The following HSD17B14 variants were observed in gnomAD, a reference collection of about 807,000 sequenced individuals.
HSD17B14 encodes the protein hydroxysteroid 17-beta dehydrogenase 14.
HSD17B14 carries 32 observed loss-of-function variants against 32.2 expected under a neutral mutation model. The observed-to-expected ratio is 0.99, with a 90% confidence interval of 0.75 to 1.33. The LOEUF (loss-of-function observed/expected upper bound fraction) is 1.33, where lower values mean the gene tolerates loss of function less well. Among genes scored for constraint, HSD17B14 ranks in the 40% most tolerant of loss-of-function variants. HSD17B14 has a pLI of 0.00. For missense variants in HSD17B14, 370 were observed against 366.5 expected, an observed-to-expected ratio of 1.01 and a Z score of -0.08; for synonymous variants, 140 against 155.4, an observed-to-expected ratio of 0.90 and a Z score of 0.74.
rs568787718 is a variant in HSD17B14, at chr19:48,820,981, C to T, written c.370-5840G>A. The stretch of plus-strand genomic sequence containing the variant: ...CCTCCCAAAATGCTAGGATTACAGG[C>T]GTGAGCCACCCCACCCAGCCAGGAT... On this transcript the variant is annotated intron_variant, in intron 5 of 8. Coordinates refer to ENST00000263278, the MANE Select transcript of HSD17B14 (RefSeq NM_016246.3). 4.6e-5 allele frequency among the ~76,000 whole-genome samples: 7 copies of T among 151,194 alleles called. 1 individual carries two copies. Among genetic ancestry groups the T allele is most frequent in the South Asian group, 2.1e-4 (1 of 4,786 alleles).
intron 1 of HSD17B14, 84 bp downstream of exon 1, chr19:48,836,240 A>C: frequency 2.3e-6 from 3 of 1,298,038 alleles, no homozygotes; most frequent in Non-Finnish European, 3.3e-6. Context: ...GCAGTACTGG[A>C]GTCCCTATTT....
chr19:48,836,354 C>T lies in HSD17B14; in HGVS notation c.58G>A (p.Gly20Ser), dbSNP rs2035515535. The T allele has an allele frequency of 6.2e-7, 1 of 1,613,918 alleles. No individual in the cohort carries two copies. Among genetic ancestry groups the T allele is most frequent in the African/African-American group, 1.3e-5 (1 of 75,002 alleles). The change falls in exon 1 of 9, where the codon GGC becomes AGC. Residue 20 changes from glycine to serine, a missense_variant. By Grantham distance (56) the Gly-to-Ser change is moderately conservative (BLOSUM62 0). Transcript: ENST00000263278. ...GCGCGCACGATCCCAGCTCCGATGC[C>T]GCGCCCGCCCCCGGTCACGACCACC... ...KVVVVTGGGR[G>S]IGAGIVRAFV... is the part of the protein sequence containing the mutation.
chr19:48,832,568 G>T, intron 4 of HSD17B14, 98 bp downstream of exon 4: 1 of 1,060,138 alleles, frequency 9.4e-7, no homozygotes, highest in Non-Finnish European at 1.4e-6. Context: ...TATGAGGCAG[G>T]ATGAGGGAAT....
At chr19:48,817,849 G>A (rs1012810985) in intron 5 of HSD17B14, among the ~76,000 whole-genome samples, 9 of 152,168 alleles carry the variant, frequency 5.9e-5, no homozygotes, top group African/African-American at 2.2e-4. Flanking sequence ...GTACCTACAA[G>A]AAGGAGGTAC....
chr19:48,824,076 G>C (rs890020821), intron 5 of HSD17B14, among the ~76,000 whole-genome samples: 2 of 146,358 alleles, frequency 1.4e-5, no homozygotes, highest in African/African-American at 5.0e-5. Flanking sequence ...CCAACATGGT[G>C]AAACCCTGTC....
At chr19:48,834,968 G>GCC (rs2035449556) in intron 2 of HSD17B14, among the ~76,000 whole-genome samples, 1 of 24,826 alleles carries the variant, frequency 4.0e-5, no homozygotes, top group Admixed American at 3.4e-4. Context: ...AGGAGGGGCT[G>GCC]GGGGCCTGGA....
At chr19:48,818,525 T>C (rs1211758438) in intron 5 of HSD17B14, among the ~76,000 whole-genome samples, 1 of 151,638 alleles carries the variant, frequency 6.6e-6, no homozygotes, top group Non-Finnish European at 1.5e-5. Context: ...GCCCTGCTGT[T>C]TAATCTCCTC....
rs1008307244 is a variant in HSD17B14 at position 48,818,336 on chromosome 19, AAG to A, written c.370-3197_370-3196del. ...AAAAAAAGAAAAAAGAAAAAAGAAA[AAG>A]AGAAACCATGCTCTAATATGAACGT... On this transcript the variant is annotated intron_variant, in intron 5 of 8. Transcript: ENST00000263278. 2.3e-3 allele frequency among the ~76,000 whole-genome samples: 344 copies of A among 150,928 alleles called. 3 individuals are homozygous for A. Among genetic ancestry groups the A allele is most frequent in the African/African-American group, 8.1e-3 (332 of 41,138 alleles).
intron 5 of HSD17B14, among the ~76,000 whole-genome samples, chr19:48,816,824 T>TTTCTTTCTTTCTTTCTTTCTTTCTTTC (rs1555775916): frequency 7.9e-5 from 4 of 50,830 alleles, no homozygotes; most frequent in Admixed American, 6.6e-4. Flanking sequence ...TCTTTCTTTC[T>TTTCTTTCTTTCTTTCTTTCTTTCTTTC]TTTCTTTCTC....
At chr19:48,814,024 A>C (rs1163466625) in intron 6 of HSD17B14, among the ~76,000 whole-genome samples, 4 of 150,728 alleles carry the variant, frequency 2.7e-5, no homozygotes, top group African/African-American at 4.9e-5. Flanking sequence ...GCAAAACCCC[A>C]TCTCTGCTAA....
In HSD17B14 at chr19:48,815,057, C is replaced by G; in HGVS notation, c.454G>C (p.Val152Leu). 1 of 1,613,848 alleles carries G rather than the reference C, an allele frequency of 6.2e-7. No homozygotes were observed. Among genetic ancestry groups the G allele is most frequent in the Non-Finnish European group, 8.5e-7 (1 of 1,179,856 alleles). The change falls in exon 6 of 9, where the codon GTT (valine) becomes CTT (leucine). Residue 152 changes from valine (V) to leucine (L), a missense_variant. Transcript: ENST00000263278. ...CATACCTTGGTGGCCACATAGGGAA[C>G]TGCCTGGGCCTGGCCGATTGCCCCC... is the stretch of plus-strand genomic sequence containing the variant. ...LVGAIGQAQA[V>L]PYVATKGAVT... is the part of the protein sequence containing the mutation.
intron 2 of HSD17B14, among the ~76,000 whole-genome samples, chr19:48,835,265 G>A (rs544684521): frequency 6.7e-5 from 4 of 60,040 alleles, no homozygotes; most frequent in East Asian, 7.5e-4. Context: ...AGGGGCTGGG[G>A]GCCTGGACTC....
intron 5 of HSD17B14, among the ~76,000 whole-genome samples, chr19:48,818,182 G>A (rs556757089): frequency 2.0e-4 from 31 of 151,662 alleles, no homozygotes; most frequent in Non-Finnish European, 3.4e-4. Context: ...GTGGTGGTGC[G>A]TGCCTGTAAT....
intron 3 of HSD17B14, 122 bp downstream of exon 3, chr19:48,834,154 A>G (rs1302207143): frequency 5.3e-6 from 4 of 754,178 alleles, no homozygotes; most frequent in East Asian, 5.1e-5. Context: ...GAAACCTTTG[A>G]CGAGTCCAGC....
At chr19:48,833,580 A>G (rs2035386339) in intron 3 of HSD17B14, among the ~76,000 whole-genome samples, 1 of 151,880 alleles carries the variant, frequency 6.6e-6, no homozygotes, top group Admixed American at 6.6e-5. Flanking sequence ...TAATCCCAGC[A>G]CTTTGGGAGG....
chr19:48,826,544 C>CATATATATAT (rs1227928130), intron 5 of HSD17B14, among the ~76,000 whole-genome samples: 1 of 49,966 alleles, frequency 2.0e-5, no homozygotes, highest in South Asian at 1.1e-3. Context: ...TATATATATA[C>CATATATATAT]ACACACACAC....
Position 48,814,848 on chromosome 19 carries a change from A to G in HSD17B14, c.474+189T>C, listed in dbSNP as rs567623582. 1.0e-4 allele frequency among the ~76,000 whole-genome samples: 12 copies of G among 120,476 alleles called. No homozygotes were observed. The East Asian group carries it at 1.3e-3, about 13-fold the overall frequency. The allele number at this position is 120,476 out of a possible 152,430, so 79.0% of individuals were successfully genotyped here. A position where few individuals can be genotyped will look rare whatever the true frequency, so the allele number is the denominator to read the frequency against. On this transcript the variant is annotated intron_variant, in intron 6 of 8. Transcript: ENST00000263278. ...AGCGAGACTCCATCTTTAAAAAAAA[A>G]AAAAGAAAAGAAAAGAAAAAACAGA...
At chr19:48,821,763 T>A (rs1274658593) in intron 5 of HSD17B14, among the ~76,000 whole-genome samples, 1 of 111,650 alleles carries the variant, frequency 9.0e-6, no homozygotes, top group East Asian at 1.9e-4. Flanking sequence ...GTGATGAGGA[T>A]GATGATAAGG....
rs992634880 is a variant in HSD17B14 at position 48,834,457 on chromosome 19, C to T, written c.128-99G>A. The stretch of plus-strand genomic sequence containing the variant: ...GGTCTGAGGGAGGAGGTGCTGGGGG[C>T]CTGGACTCCTGGGTCTGAGGGAGGA... On this transcript the variant is annotated intron_variant, in intron 2 of 8. Coordinates refer to ENST00000263278, the MANE Select transcript of HSD17B14 (RefSeq NM_016246.3). 2.2e-3 allele frequency: 1,246 copies of T among 579,036 alleles called. 30 individuals carry two copies. The highest frequency in any genetic ancestry group is 0.012 in the East Asian group (338 of 27,876). The allele number at this position is 579,036 out of a possible 1,614,324, so 35.9% of individuals were successfully genotyped here. A position where few individuals can be genotyped will look rare whatever the true frequency, so the allele number is the denominator to read the frequency against.
Sources: allele counts gnomAD v4.1 joint callset (sites outside exome capture counted in the v4.1 genomes callset), GRCh38; gene constraint gnomAD v4.1.1; transcripts MANE v1.5; gene names NCBI Gene and HGNC (gene_info 2026-07-23, HGNC 2026-07-21).